NBEA: variants seen among roughly 807,000 people sequenced by gnomAD.
NBEA encodes lysosomal-trafficking regulator 2.
NBEA carries 44 observed loss-of-function variants against 343.4 expected under a neutral mutation model. That is an observed-to-expected ratio of 0.13 (90% CI 0.10 to 0.16). The LOEUF (loss-of-function observed/expected upper bound fraction) is 0.16, where lower values mean the gene tolerates loss of function less well. NBEA is among the 10% of genes least tolerant of loss of function. The pLI is 1.00. For synonymous variants in NBEA, 1,175 were observed against 1,238.7 expected (o/e 0.95, Z 1.08); for missense variants, 2,555 against 3,631.3 (o/e 0.70, Z 7.62).
intron 17 of NBEA, among the ~76,000 whole-genome samples, chr13:35,135,512 T>G (rs1416130336): frequency 2.6e-5 from 4 of 152,094 alleles, no homozygotes; most frequent in Non-Finnish European, 4.4e-5. Flanking sequence ...GAAGACTCAA[T>G]TATATAAAGA....
chr13:34,999,470 A>G (rs890875486), intron 1 of NBEA, among the ~76,000 whole-genome samples: 2 of 152,120 alleles, frequency 1.3e-5, no homozygotes, highest in African/African-American at 4.8e-5. Flanking sequence ...AGAGCTTGAC[A>G]TTCTCCAGGT....
intron 46 of NBEA, among the ~76,000 whole-genome samples, chr13:35,592,088 C>T (rs974795853): frequency 2.0e-5 from 3 of 152,012 alleles, no homozygotes; most frequent in African/African-American, 7.2e-5. Flanking sequence ...CCTAAGAACT[C>T]CCAGTGTGAG....
intron 41 of NBEA, among the ~76,000 whole-genome samples, chr13:35,478,213 C>T (rs2075965588): frequency 1.3e-5 from 2 of 152,210 alleles, no homozygotes; most frequent in South Asian, 4.1e-4. Context: ...TTAATTTCTC[C>T]TTATCCAACA....
chr13:35,470,685 TGGTTGCTTAAG>T (rs2075601857), intron 40 of NBEA, among the ~76,000 whole-genome samples: 1 of 152,196 alleles, frequency 6.6e-6, no homozygotes, highest in African/African-American at 2.4e-5. Context: ...GGGAGCGTCC[TGGTTGCTTAAG>T]GGTTAAGGGA....
intron 28 of NBEA, among the ~76,000 whole-genome samples, chr13:35,180,293 G>T (rs1378480398): frequency 1.3e-5 from 2 of 151,676 alleles, no homozygotes; most frequent in African/African-American, 4.8e-5. Context: ...TATAAAAGAA[G>T]TTTAATAAAG....
In NBEA at chr13:35,606,518, T is replaced by G. The variant is rs779821313; in HGVS notation, c.7389T>G (p.Asn2463Lys). ...TCAGAGAAGATGAAGTAGTGGTAAATGATGTTGATCTTCCCCCTTGGGCAA... is the reference window on the plus strand; with the variant it reads ...TCAGAGAAGATGAAGTAGTGGTAAAGGATGTTGATCTTCCCCCTTGGGCAA... The part of the protein sequence containing the change: ...LGVREDEVVV[N>K]DVDLPPWAKK... Residue 2463 changes from asparagine (N) to lysine (K), a missense_variant, in exon 48 of 59, where the codon AAT becomes AAG. By Grantham distance (94) the Asn-to-Lys change is moderately conservative (BLOSUM62 0). Around this residue, in one of 21 missense-constraint regions of NBEA, gnomAD observed 156 missense variants for 185.8 expected, o/e 0.84. Transcript: ENST00000379939. 1.2e-6 allele frequency: 2 copies of G among 1,608,030 alleles called. No individual in the cohort carries two copies. Among genetic ancestry groups the G allele is most frequent in the South Asian group, 2.2e-5 (2 of 90,138 alleles).
chr13:35,255,747 T>G (rs1470682434), intron 34 of NBEA, among the ~76,000 whole-genome samples: 1 of 152,210 alleles, frequency 6.6e-6, no homozygotes, highest in East Asian at 1.9e-4. Flanking sequence ...GCAGCTGTTC[T>G]CTCCTCATCA....
intron 38 of NBEA, among the ~76,000 whole-genome samples, chr13:35,363,920 G>C (rs1169583186): frequency 6.6e-6 from 1 of 151,892 alleles, no homozygotes; most frequent in East Asian, 1.9e-4. Context: ...GAATGTTGCT[G>C]TCATCCTTCA....
At chr13:35,125,616 G>A (rs1366907117) in intron 17 of NBEA, among the ~76,000 whole-genome samples, 4 of 152,136 alleles carry the variant, frequency 2.6e-5, no homozygotes, top group Admixed American at 6.5e-5. Context: ...TTACACATAT[G>A]CATGGAAGTG....
chr13:35,631,382 A>G (rs2083447035), intron 49 of NBEA, among the ~76,000 whole-genome samples: 1 of 152,188 alleles, frequency 6.6e-6, no homozygotes. Flanking sequence ...GGTTGGACAC[A>G]GACTCTTGGA....
chr13:35,424,032 A>G (rs1372295134), intron 38 of NBEA, among the ~76,000 whole-genome samples: 1 of 152,200 alleles, frequency 6.6e-6, no homozygotes, highest in African/African-American at 2.4e-5. Context: ...GTTGCTTATC[A>G]GCTTAAGGAG....
At chr13:35,422,878 T>C (rs531735625) in intron 38 of NBEA, among the ~76,000 whole-genome samples, 63 of 152,352 alleles carry the variant, frequency 4.1e-4, no homozygotes, top group African/African-American at 1.5e-3. Flanking sequence ...TGGTTTTGAT[T>C]TGCATTTCTC....
rs895501238 is a variant in NBEA at position 35,305,988 on chromosome 13, G to A, written c.5839-3540G>A. Among the ~76,000 whole-genome samples the A allele has an allele frequency of 7.2e-5, 11 of 152,062 alleles. No homozygotes were observed. The South Asian group carries it at 2.3e-3, about 32-fold the overall frequency. ...GTTAAACTCTCATATTGAAAAATTGGTATTTCAACTTAAAGTTACTTTAAA... is the reference window on the plus strand; with the variant it reads ...GTTAAACTCTCATATTGAAAAATTGATATTTCAACTTAAAGTTACTTTAAA... On this transcript the variant is annotated intron_variant, in intron 35 of 58. Coordinates refer to ENST00000379939, the MANE Select transcript of NBEA (RefSeq NM_001385012.1).
At chr13:35,457,128 T>C (rs1328196699) in intron 40 of NBEA, among the ~76,000 whole-genome samples, 1 of 152,080 alleles carries the variant, frequency 6.6e-6, no homozygotes, top group Non-Finnish European at 1.5e-5. Flanking sequence ...CCTATTTCTC[T>C]GTTCCACTCC....
chr13:35,525,446 A>G (rs1195484520), intron 41 of NBEA, among the ~76,000 whole-genome samples: 1 of 152,078 alleles, frequency 6.6e-6, no homozygotes, highest in Non-Finnish European at 1.5e-5. Flanking sequence ...TCAGCTACTC[A>G]GGAGGCTGAG....
chr13:35,198,296 A>G lies in NBEA; in HGVS notation c.5366+1994A>G, dbSNP rs574811044. Among the ~76,000 whole-genome samples, 3 of 152,304 alleles carry G rather than the reference A, an allele frequency of 2.0e-5. No individual in the cohort carries two copies. The East Asian group carries it at 5.8e-4, about 29-fold the overall frequency. The stretch of plus-strand genomic sequence containing the variant: ...TTTCTATAAGCCTATAAGGTAATAT[A>G]TAGTAATTTAAGTTTTGTATTCTAG... On this transcript the variant is annotated intron_variant, in intron 31 of 58. Transcript: ENST00000379939.
chr13:35,046,626 G>A (rs932273842), intron 4 of NBEA, among the ~76,000 whole-genome samples: 2 of 151,938 alleles, frequency 1.3e-5, no homozygotes, highest in African/African-American at 4.8e-5. Flanking sequence ...ATTACTAACT[G>A]CACACAGTAA....
intron 36 of NBEA, among the ~76,000 whole-genome samples, chr13:35,341,718 GACA>G (rs2039596171): frequency 6.6e-6 from 1 of 151,998 alleles, no homozygotes; most frequent in Non-Finnish European, 1.5e-5. Context: ...GTTTAAAACA[GACA>G]ACAACAAGTG....
intron 41 of NBEA, among the ~76,000 whole-genome samples, chr13:35,486,003 A>G (rs2152969984): frequency 6.6e-6 from 1 of 152,142 alleles, no homozygotes; most frequent in Non-Finnish European, 1.5e-5. Context: ...AATTGAGAAA[A>G]TTCTCCAGAT....
Sources: gnomAD v4.1 joint callset for allele counts (sites outside exome capture counted in the v4.1 genomes callset) on GRCh38, gnomAD v4.1.1 for gene constraint, gnomAD v4.1.1 regional missense constraint, MANE v1.5 for transcripts, NCBI Gene and HGNC (gene_info 2026-07-23, HGNC 2026-07-21) for gene names.